Variants in TANGO6 observed in about 807,000 individuals in gnomAD.
TANGO6 encodes the protein transport and golgi organization 6 homolog, also known as transport and Golgi organization protein 6 homolog.
TANGO6 carries 90 observed loss-of-function variants against 114.2 expected under a neutral mutation model. The ratio of observed to expected loss-of-function variants is 0.79; its 90% confidence interval spans 0.66 to 0.94. The LOEUF is 0.94. Among genes scored for constraint, TANGO6 ranks in the 40% least tolerant of loss-of-function variants. The pLI is 0.00. For synonymous variants in TANGO6, 477 were observed against 509.8 expected, an observed-to-expected ratio of 0.94 and a Z score of 0.87; for missense variants, 1,274 against 1,315.3, an observed-to-expected ratio of 0.97 and a Z score of 0.49.
chr16:68,900,304 GA>G, intron 7 of TANGO6, 129 bp from the exon 8 acceptor site: 1 of 700,918 alleles, frequency 1.4e-6, no homozygotes, highest in Non-Finnish European at 2.5e-6. Flanking sequence ...CACATCTTTG[GA>G]GCTAAAATGG....
intron 7 of TANGO6, among the ~76,000 whole-genome samples, chr16:68,893,757 CAA>C (rs796651419): frequency 1.4e-4 from 12 of 84,158 alleles, no homozygotes; most frequent in Admixed American, 2.4e-4. Context: ...AGAAAACAAC[CAA>C]AAAAAAAAAA....
intron 15 of TANGO6, among the ~76,000 whole-genome samples, chr16:69,000,484 T>G (rs559885871): frequency 1.1e-4 from 16 of 152,314 alleles, no homozygotes; most frequent in African/African-American, 3.8e-4. Flanking sequence ...AAGGGAAGAC[T>G]TAGCTTTCCA....
intron 16 of TANGO6, among the ~76,000 whole-genome samples, chr16:69,037,960 T>C (rs941258348): frequency 2.0e-5 from 3 of 152,220 alleles, no homozygotes; most frequent in African/African-American, 7.2e-5. Context: ...ACAACCTGTA[T>C]AGTTAAAATT....
intron 1 of TANGO6, among the ~76,000 whole-genome samples, chr16:68,848,313 T>A (rs537309487): frequency 5.3e-5 from 8 of 152,144 alleles, no homozygotes; most frequent in Non-Finnish European, 8.8e-5. Context: ...TTTTTACTTC[T>A]ATAAAAAATA....
rs547726941 is a variant in TANGO6 at position 68,958,000 on chromosome 16, C to T, written c.2702-16028C>T. Reference sequence around the variant, plus strand: ...AAGCCTGGCCAACATGGTGAAACCCCGTTTCCACTAAAAATACAAAAATTA... The same window carrying T: ...AAGCCTGGCCAACATGGTGAAACCCTGTTTCCACTAAAAATACAAAAATTA... On this transcript the variant is annotated intron_variant, in intron 14 of 17. Transcript: ENST00000261778. 7.9e-5 allele frequency among the ~76,000 whole-genome samples: 12 copies of T among 151,578 alleles called. No individual in the cohort carries two copies. In the South Asian group the frequency reaches 2.3e-3, roughly 29 times the overall value.
chr16:69,020,359 G>A (rs1373448110), intron 15 of TANGO6, among the ~76,000 whole-genome samples: 1 of 152,178 alleles, frequency 6.6e-6, no homozygotes, highest in Non-Finnish European at 1.5e-5. Context: ...AGAGATGAAG[G>A]AGTCAAAGTT....
At chr16:69,063,643 C>CA (rs770332921) in intron 17 of TANGO6, among the ~76,000 whole-genome samples, 13,017 of 35,636 alleles carry the variant, frequency 0.37, 4,013 homozygotes, top group East Asian at 0.59. Context: ...ACTCCATCTC[C>CA]AAAAAAAAAA....
chr16:69,022,354 A>C (rs1959422907), intron 15 of TANGO6, among the ~76,000 whole-genome samples: 1 of 152,212 alleles, frequency 6.6e-6, no homozygotes, highest in South Asian at 2.1e-4. Context: ...ATTTTTCATA[A>C]CATGAAATAT....
chr16:68,859,987 G>T lies in TANGO6; in HGVS notation c.198G>T (p.Gln66His), dbSNP rs1432359700. The T allele has an allele frequency of 6.2e-7, 1 of 1,613,810 alleles. No homozygotes were observed. Among genetic ancestry groups the T allele is most frequent in the African/African-American group, 1.3e-5 (1 of 74,924 alleles). The change falls in exon 2 of 18, where the codon CAG (glutamine) becomes CAT (histidine). Residue 66 changes from glutamine to histidine, a missense_variant. Coordinates refer to ENST00000261778, the MANE Select transcript of TANGO6 (RefSeq NM_024562.2). ...ALEDKFLKDP[Q>H]WKNLKLLRDE... is the part of the protein sequence containing the mutation. ...AGGACAAGTTTCTGAAGGATCCTCA[G>T]TGGAAGAATCTGAAACTCCTAAGAG...
chr16:68,862,807 T>C (rs1962117607), intron 2 of TANGO6, 138 bp from the exon 3 acceptor site: 2 of 687,300 alleles, frequency 2.9e-6, no homozygotes, highest in Admixed American at 2.1e-5. Context: ...GCTTCCCCCA[T>C]GTGGAAGGAA....
At chr16:68,884,606 A>G (rs1025892726) in intron 7 of TANGO6, among the ~76,000 whole-genome samples, 18 of 152,222 alleles carry the variant, frequency 1.2e-4, no homozygotes, top group African/African-American at 4.3e-4. Context: ...GGAATGTTGG[A>G]AAGACTTGAA....
At chr16:69,006,834 ATGT>A (rs1218586012) in intron 15 of TANGO6, among the ~76,000 whole-genome samples, 2 of 152,152 alleles carry the variant, frequency 1.3e-5, no homozygotes, top group Admixed American at 1.3e-4. Flanking sequence ...GTACACCTCA[ATGT>A]TGTTGTTGTA....
chr16:68,952,996 CT>C (rs1349433092), intron 14 of TANGO6, among the ~76,000 whole-genome samples: 1 of 151,138 alleles, frequency 6.6e-6, no homozygotes, highest in Non-Finnish European at 1.5e-5. Context: ...TTAGGGTTTT[CT>C]TTTTGTTGTT....
At chr16:69,041,665 G>A (rs1040991888) in intron 17 of TANGO6, among the ~76,000 whole-genome samples, 5 of 152,104 alleles carry the variant, frequency 3.3e-5, no homozygotes, top group African/African-American at 4.8e-5. Context: ...CAGTGCTTTG[G>A]GAATAGTGCT....
At chr16:69,078,154 G>T (rs1960415083) in intron 17 of TANGO6, among the ~76,000 whole-genome samples, 1 of 152,188 alleles carries the variant, frequency 6.6e-6, no homozygotes, top group Admixed American at 6.5e-5. Flanking sequence ...ATATGCAAAG[G>T]CCTTGAGAGG....
At chr16:68,949,287 G>A (rs1963446979) in intron 14 of TANGO6, among the ~76,000 whole-genome samples, 1 of 152,148 alleles carries the variant, frequency 6.6e-6, no homozygotes, top group South Asian at 2.1e-4. Flanking sequence ...GAACTTTTGA[G>A]ATCTGTTGTA....
chr16:69,043,691 T>G (rs537206990), intron 17 of TANGO6, among the ~76,000 whole-genome samples: 5 of 152,310 alleles, frequency 3.3e-5, no homozygotes, highest in African/African-American at 1.2e-4. Context: ...GAAGTGGAGA[T>G]AACCACAAAG....
At chr16:68,947,177 G>T (rs1019414535) in intron 14 of TANGO6, among the ~76,000 whole-genome samples, 3 of 152,042 alleles carry the variant, frequency 2.0e-5, no homozygotes, top group Admixed American at 6.6e-5. Context: ...AAATTTAAAG[G>T]CTGGGCGCAG....
At chr16:68,928,188 C>T (rs1210696134) in intron 13 of TANGO6, 105 bp downstream of exon 13, 34 of 1,336,584 alleles carry the variant, frequency 2.5e-5, no homozygotes, top group Non-Finnish European at 3.3e-5. Context: ...TTCTGGACCA[C>T]CCTCCAGAAA....
Sources: gnomAD v4.1 joint callset for allele counts (sites outside exome capture counted in the v4.1 genomes callset) on GRCh38, gnomAD v4.1.1 for gene constraint, MANE v1.5 for transcripts, NCBI Gene and HGNC (gene_info 2026-07-23, HGNC 2026-07-21) for gene names.